Variants in SH3RF1 observed in about 807,000 individuals in gnomAD.
SH3RF1 encodes SH3 domain containing ring finger 1.
SH3RF1 carries 32 observed loss-of-function variants against 74.0 expected under a neutral mutation model. The ratio of observed to expected loss-of-function variants is 0.43; its 90% CI spans 0.33 to 0.58. SH3RF1 has a LOEUF of 0.58. Among genes scored for constraint, SH3RF1 ranks in the 20% least tolerant of loss-of-function variants. SH3RF1 has a pLI of 0.05. For missense variants in SH3RF1, 954 were observed against 1,130.9 expected (o/e 0.84, Z 2.24); for synonymous variants, 396 against 439.6 (o/e 0.90, Z 1.24).
Position 169,242,863 on chromosome 4 carries a change from C to T in SH3RF1, c.393+25957G>A, listed in dbSNP as rs113038353. The stretch of plus-strand genomic sequence containing the variant: ...CCCTCAATCTTGGACTTCCCAGCCT[C>T]CAGAACCATGAGCCAAATACATTTC... On this transcript the variant is annotated intron_variant, in intron 2 of 11. Coordinates refer to ENST00000284637, the MANE Select transcript of SH3RF1 (RefSeq NM_020870.4). Among the ~76,000 whole-genome samples the T allele has an allele frequency of 2.7e-3, 412 of 152,332 alleles. 1 individual carries two copies. Among genetic ancestry groups the T allele is most frequent in the African/African-American group, 9.4e-3 (389 of 41,568 alleles).
chr4:169,195,014 C>G (rs1734786965), intron 2 of SH3RF1, among the ~76,000 whole-genome samples: 1 of 152,186 alleles, frequency 6.6e-6, no homozygotes, highest in African/African-American at 2.4e-5. Context: ...TCCACACAGT[C>G]ACATTTATAG....
At chr4:169,118,211 G>C (rs1051125129) in intron 8 of SH3RF1, among the ~76,000 whole-genome samples, 1 of 152,102 alleles carries the variant, frequency 6.6e-6, no homozygotes. Context: ...ATGTGCCCAT[G>C]TACATGCATG....
chr4:169,266,090 C>T (rs1009952771), intron 2 of SH3RF1, among the ~76,000 whole-genome samples: 6 of 152,152 alleles, frequency 3.9e-5, no homozygotes, highest in Non-Finnish European at 7.3e-5. Context: ...CTGATGGATT[C>T]CCATGGTGAT....
intron 4 of SH3RF1, among the ~76,000 whole-genome samples, chr4:169,149,333 T>C (rs1248440514): frequency 6.6e-6 from 1 of 152,230 alleles, no homozygotes; most frequent in Non-Finnish European, 1.5e-5. Context: ...CCTTTAGAAC[T>C]TCAGGAGCCA....
chr4:169,156,904 T>C (rs922247860), intron 2 of SH3RF1, among the ~76,000 whole-genome samples: 3 of 152,214 alleles, frequency 2.0e-5, no homozygotes, highest in Non-Finnish European at 2.9e-5. Context: ...GCACCAGCCA[T>C]GATTTAGGCT....
At chr4:169,144,914 A>G (rs1733848257) in intron 4 of SH3RF1, among the ~76,000 whole-genome samples, 3 of 152,196 alleles carry the variant, frequency 2.0e-5, no homozygotes, top group Admixed American at 1.3e-4. Flanking sequence ...AGAAGAAAAT[A>G]GTAGGGGTAA....
At chr4:169,197,363 G>A (rs1734830566) in intron 2 of SH3RF1, among the ~76,000 whole-genome samples, 1 of 151,676 alleles carries the variant, frequency 6.6e-6, no homozygotes, top group Non-Finnish European at 1.5e-5. Context: ...AGAGGCTTAC[G>A]ACTGTAATCC....
chr4:169,242,423 C>T (rs926713382), intron 2 of SH3RF1, among the ~76,000 whole-genome samples: 5 of 152,146 alleles, frequency 3.3e-5, no homozygotes, highest in African/African-American at 1.2e-4. Flanking sequence ...ATTCATATGT[C>T]CTAATAGCTA....
At chr4:169,251,608 C>T (rs1731106524) in intron 2 of SH3RF1, among the ~76,000 whole-genome samples, 1 of 152,176 alleles carries the variant, frequency 6.6e-6, no homozygotes, top group Admixed American at 6.5e-5. Flanking sequence ...TGGACAGGTA[C>T]ATTTAAGCCT....
chr4:169,174,209 G>A (rs1004851094), intron 2 of SH3RF1, among the ~76,000 whole-genome samples: 2 of 152,052 alleles, frequency 1.3e-5, no homozygotes, highest in Admixed American at 6.6e-5. Flanking sequence ...CTACAGGCAC[G>A]TACCAGCATA....
intron 11 of SH3RF1, among the ~76,000 whole-genome samples, chr4:169,101,403 C>T (rs1278479595): frequency 6.6e-6 from 1 of 151,942 alleles, no homozygotes; most frequent in Non-Finnish European, 1.5e-5. Flanking sequence ...ATGAGATGCC[C>T]AGAAGTCACT....
At chr4:169,101,254 G>GTTTTTTAAAA (rs1241472463) in intron 11 of SH3RF1, among the ~76,000 whole-genome samples, 1 of 152,144 alleles carries the variant, frequency 6.6e-6, no homozygotes, top group Non-Finnish European at 1.5e-5. Context: ...TAGAAAAACT[G>GTTTTTTAAAA]TTTTTTAAAA....
chr4:169,130,768 C>T (rs780886949), intron 5 of SH3RF1, among the ~76,000 whole-genome samples: 14 of 152,194 alleles, frequency 9.2e-5, no homozygotes, highest in Non-Finnish European at 1.6e-4. Context: ...ATCCATGATA[C>T]AACCCAAGAT....
intron 2 of SH3RF1, among the ~76,000 whole-genome samples, chr4:169,262,819 T>G (rs1011041457): frequency 6.6e-6 from 1 of 152,150 alleles, no homozygotes; most frequent in African/African-American, 2.4e-5. Context: ...AGACCCCCTT[T>G]CCCATACCTT....
At chr4:169,190,658 T>A (rs1050021831) in intron 2 of SH3RF1, among the ~76,000 whole-genome samples, 1 of 151,042 alleles carries the variant, frequency 6.6e-6, no homozygotes, top group East Asian at 1.9e-4. Context: ...GAAGAATTGA[T>A]CCCAGTCCTA....
At chr4:169,192,433 G>A (rs1026145102) in intron 2 of SH3RF1, among the ~76,000 whole-genome samples, 2 of 152,072 alleles carry the variant, frequency 1.3e-5, no homozygotes, top group Admixed American at 1.3e-4. Context: ...AAACCATAAT[G>A]CGATACCACC....
At chr4:169,249,728 A>C (rs1731066610) in intron 2 of SH3RF1, among the ~76,000 whole-genome samples, 1 of 152,214 alleles carries the variant, frequency 6.6e-6, no homozygotes, top group Non-Finnish European at 1.5e-5. Context: ...GTGACTCTTT[A>C]AGTAAATACG....
At chr4:169,140,220 G>T (rs528962823) in intron 4 of SH3RF1, among the ~76,000 whole-genome samples, 1 of 152,300 alleles carries the variant, frequency 6.6e-6, no homozygotes, top group African/African-American at 2.4e-5. Flanking sequence ...TGTAAGTATA[G>T]CAACCTTTGG....
intron 2 of SH3RF1, among the ~76,000 whole-genome samples, chr4:169,196,971 A>T (rs1734823625): frequency 1.3e-5 from 2 of 152,280 alleles, no homozygotes; most frequent in South Asian, 4.1e-4. Context: ...CAAAAAAGTA[A>T]CAGAAAAGGT....
Sources: gnomAD v4.1 joint callset for allele counts (sites outside exome capture counted in the v4.1 genomes callset) on GRCh38, gnomAD v4.1.1 for gene constraint, MANE v1.5 for transcripts, NCBI Gene and HGNC (gene_info 2026-07-23, HGNC 2026-07-21) for gene names.